SLC38A11: variants seen among roughly 807,000 people sequenced by gnomAD.
SLC38A11 encodes putative sodium-coupled neutral amino acid transporter 11.
SLC38A11 carries 51 observed loss-of-function variants against 49.4 expected under a neutral mutation model. The observed-to-expected ratio is 1.03, with a 90% CI of 0.83 to 1.30. The LOEUF (loss-of-function observed/expected upper bound fraction) is 1.30. Among genes scored for constraint, SLC38A11 ranks in the 50% most tolerant of loss-of-function variants. The pLI is 0.00. For missense variants in SLC38A11, 574 were observed against 556.2 expected (o/e 1.03, Z -0.32); for synonymous variants, 203 against 192.9 (o/e 1.05, Z -0.43).
chr2:164,936,622 CA>C (rs1444085681), intron 7 of SLC38A11, among the ~76,000 whole-genome samples: 1 of 151,960 alleles, frequency 6.6e-6, no homozygotes, highest in African/African-American at 2.4e-5. Flanking sequence ...TGTGGAAATC[CA>C]ATTCAGTGTT....
At chr2:164,926,523 A>G (rs1686596527) in intron 7 of SLC38A11, among the ~76,000 whole-genome samples, 1 of 151,204 alleles carries the variant, frequency 6.6e-6, no homozygotes, top group African/African-American at 2.4e-5. Flanking sequence ...GTGGGGCCTC[A>G]AAGGTTTATA....
rs753062872 is a variant in SLC38A11, at chr2:164,898,508, TGA to T, written c.1316_1317del (p.Leu439HisfsTer20). ...TGAACATGAGACTCTGAGGTATTTG[TGA>T]GAGAGAAATTGTCAGGAAAGCAGTA... The part of the protein sequence containing the change: ...MFYCFPDNFS[L>X]TNTSESHVQQ... On this transcript the variant is annotated frameshift_variant, in exon 12 of 12. Transcript: ENST00000685975. LOFTEE classifies it high-confidence loss of function. 1 of 1,613,460 alleles carries T rather than the reference TGA, an allele frequency of 6.2e-7. No individual in the cohort carries two copies. Among genetic ancestry groups the T allele is most frequent in the East Asian group, 2.2e-5 (1 of 44,836 alleles).
At chr2:164,899,953 G>T (rs1684551267) in intron 11 of SLC38A11, among the ~76,000 whole-genome samples, 1 of 151,620 alleles carries the variant, frequency 6.6e-6, no homozygotes, top group Admixed American at 6.6e-5. Context: ...TCCTCCCTTT[G>T]TTTCCTGCCC....
At chr2:164,954,574 G>T in intron 2 of SLC38A11, 57 bp downstream of exon 2, 3 of 709,038 alleles carry the variant, frequency 4.2e-6, no homozygotes, top group South Asian at 2.5e-5. Flanking sequence ...TAGCAGCGTA[G>T]CGAGTCTTAA....
intron 7 of SLC38A11, among the ~76,000 whole-genome samples, chr2:164,935,280 C>A (rs1396394481): frequency 6.6e-6 from 1 of 151,460 alleles, no homozygotes; most frequent in African/African-American, 2.4e-5. Flanking sequence ...TCTCTCAGGG[C>A]ACAACACAAT....
At chr2:164,933,232 C>T (rs1687130612) in intron 7 of SLC38A11, among the ~76,000 whole-genome samples, 1 of 147,976 alleles carries the variant, frequency 6.8e-6, no homozygotes, top group Admixed American at 6.7e-5. Flanking sequence ...ATTAATAAGG[C>T]ATTAAATGAA....
At chr2:164,946,514 C>T (rs938684821) in intron 3 of SLC38A11, among the ~76,000 whole-genome samples, 1 of 145,746 alleles carries the variant, frequency 6.9e-6, no homozygotes, top group Non-Finnish European at 1.5e-5. Context: ...TGCAGTGAGC[C>T]GAGATTCTGC....
At chr2:164,912,912 A>G (rs1347025799) in intron 9 of SLC38A11, among the ~76,000 whole-genome samples, 1 of 152,012 alleles carries the variant, frequency 6.6e-6, no homozygotes, top group African/African-American at 2.4e-5. Flanking sequence ...TAAAAATATA[A>G]CAATGACTAA....
At chr2:164,926,914 A>G (rs1441719512) in intron 7 of SLC38A11, among the ~76,000 whole-genome samples, 1 of 150,994 alleles carries the variant, frequency 6.6e-6, no homozygotes, top group African/African-American at 2.4e-5. Flanking sequence ...CCTAATGTAA[A>G]TGACGAGTTA....
At chr2:164,898,949 G>A (rs900721412) in intron 11 of SLC38A11, among the ~76,000 whole-genome samples, 1 of 152,074 alleles carries the variant, frequency 6.6e-6, no homozygotes, top group Non-Finnish European at 1.5e-5. Context: ...TAATGAAATA[G>A]TATAACAGCT....
rs949985823 is a variant in SLC38A11 at position 164,896,969 on chromosome 2, T to C, written c.*1468A>G. 2 of 152,074 alleles carry C rather than the reference T, an allele frequency of 1.3e-5. No homozygotes were observed. Among genetic ancestry groups the C allele is most frequent in the Non-Finnish European group, 2.9e-5 (2 of 68,012 alleles). 9.4% of individuals were successfully genotyped at this position (152,074 alleles called of 1,614,324 possible). A position where few individuals can be genotyped will look rare whatever the true frequency, so the allele number is the denominator to read the frequency against. On this transcript the variant is annotated 3_prime_UTR_variant, in exon 12 of 12. Transcript: ENST00000685975. ...TAACTCTGCTTGTGATAGTTTCTCG[T>C]TATTTGGCAACAATTAATATAGTGC...
At chr2:164,922,042 C>A (rs868333381) in intron 7 of SLC38A11, 1 of 151,954 alleles carries the variant, frequency 6.6e-6, no homozygotes, top group Non-Finnish European at 1.5e-5. Context: ...GAAATTTTAT[C>A]CTGGTTTGAA....
intron 7 of SLC38A11, among the ~76,000 whole-genome samples, chr2:164,917,913 C>T (rs1389930797): frequency 6.6e-6 from 1 of 151,876 alleles, no homozygotes. Flanking sequence ...CTCTGTTCAT[C>T]ATAATGATGA....
chr2:164,903,898 G>A (rs1228030662), intron 11 of SLC38A11, among the ~76,000 whole-genome samples: 1 of 152,110 alleles, frequency 6.6e-6, no homozygotes, highest in East Asian at 1.9e-4. Flanking sequence ...TACCTGAATA[G>A]AAATTTCTCA....
intron 5 of SLC38A11, among the ~76,000 whole-genome samples, chr2:164,940,276 T>C (rs927825984): frequency 1.3e-5 from 2 of 148,892 alleles, no homozygotes; most frequent in Non-Finnish European, 3.0e-5. Flanking sequence ...TAATTATATG[T>C]GTTGTGTGTA....
At position 164,954,563 on chromosome 2, in the gene SLC38A11, C is replaced by G. The variant is rs947890363; in HGVS notation, c.154+68G>C. On this transcript the variant is annotated intron_variant, in intron 2 of 11. Transcript: ENST00000685975. The stretch of plus-strand genomic sequence containing the variant: ...TTTCTTTAAAAATAATTAATGAACA[C>G]TAGCAGCGTAGCGAGTCTTAAATTT... 3.4e-5 allele frequency: 21 copies of G among 626,080 alleles called. No individual in the cohort carries two copies. The African/African-American group carries it at 3.7e-4, about 11-fold the overall frequency. 38.8% of individuals were successfully genotyped at this position (626,080 alleles called of 1,614,324 possible). A position where few individuals can be genotyped will look rare whatever the true frequency, so the allele number is the denominator to read the frequency against.
chr2:164,939,362 T>C, intron 6 of SLC38A11, 88 bp downstream of exon 6: 1 of 759,032 alleles, frequency 1.3e-6, no homozygotes, highest in Non-Finnish European at 2.1e-6. Flanking sequence ...TAAAGATGAA[T>C]ACCGTAATTA....
At chr2:164,944,796 C>A (rs1167859434) in intron 4 of SLC38A11, among the ~76,000 whole-genome samples, 162 bp from the exon 5 acceptor site, 1 of 152,050 alleles carries the variant, frequency 6.6e-6, no homozygotes, top group East Asian at 1.9e-4. Flanking sequence ...GATAACTGGA[C>A]AAGAGATCTA....
At chr2:164,931,860 C>T (rs775655474) in intron 7 of SLC38A11, among the ~76,000 whole-genome samples, 11 of 152,026 alleles carry the variant, frequency 7.2e-5, no homozygotes, top group Non-Finnish European at 1.5e-4. Context: ...GACATAGGAA[C>T]GGGCAAATAT....
Sources: gnomAD v4.1 joint callset for allele counts (sites outside exome capture counted in the v4.1 genomes callset) on GRCh38, gnomAD v4.1.1 for gene constraint, MANE v1.5 for transcripts, NCBI Gene and HGNC (gene_info 2026-07-23, HGNC 2026-07-21) for gene names.